TDRD12: variants seen among roughly 807,000 people sequenced by gnomAD.
TDRD12 encodes the protein putative ATP-dependent RNA helicase TDRD12.
A neutral mutation model predicts 133.5 loss-of-function variants in TDRD12; 158 were observed. The ratio of observed to expected loss-of-function variants is 1.18; its 90% confidence interval spans 1.04 to 1.35. The LOEUF (loss-of-function observed/expected upper bound fraction) is 1.35, where lower values mean the gene tolerates loss of function less well. TDRD12 is among the 40% of genes most tolerant of loss of function. The pLI, the probability that TDRD12 is intolerant of heterozygous loss-of-function variation, is 0.00. For synonymous variants in TDRD12, 460 were observed against 477.9 expected (o/e 0.96, Z 0.49); for missense variants, 1,443 against 1,321.3 (o/e 1.09, Z -1.43).
chr19:32,766,705 C>T (rs572469616), intron 8 of TDRD12, among the ~76,000 whole-genome samples: 1 of 152,138 alleles, frequency 6.6e-6, no homozygotes, highest in South Asian at 2.1e-4. Context: ...CCCTCTGCCT[C>T]CTGGGTTCTA....
At chr19:32,724,035 T>G (rs1030877059) in intron 1 of TDRD12, among the ~76,000 whole-genome samples, 1 of 151,814 alleles carries the variant, frequency 6.6e-6, no homozygotes, top group Non-Finnish European at 1.5e-5. Context: ...TTAAAAAAAA[T>G]TTTTTTAGAG....
At chr19:32,787,713 C>G (rs954389507) in intron 11 of TDRD12, among the ~76,000 whole-genome samples, 1 of 152,206 alleles carries the variant, frequency 6.6e-6, no homozygotes, top group African/African-American at 2.4e-5. Context: ...GTGCTAGCAT[C>G]GAGCAAGGAT....
intron 27 of TDRD12, among the ~76,000 whole-genome samples, chr19:32,820,121 C>T (rs116621111): frequency 0.023 from 3,502 of 152,102 alleles, 141 homozygotes; most frequent in African/African-American, 0.081. Flanking sequence ...TGGGGAGGGG[C>T]GGTGGCTCAG....
exon 10 of TDRD12, chr19:32,829,104 T>G (rs574747286): frequency 2.0e-5 from 3 of 152,310 alleles, no homozygotes; most frequent in Non-Finnish European, 4.4e-5. Flanking sequence ...CATATCAGTG[T>G]CTGTTTCTCT....
At chr19:32,755,209 A>G in intron 6 of TDRD12, among the ~76,000 whole-genome samples, 1 of 152,226 alleles carries the variant, frequency 6.6e-6, no homozygotes, top group Admixed American at 6.5e-5. Flanking sequence ...CCTTACAGAT[A>G]TTTATGTACA....
At chr19:32,818,889 C>T (rs545745414) in intron 27 of TDRD12, among the ~76,000 whole-genome samples, 229 of 152,168 alleles carry the variant, frequency 1.5e-3, no homozygotes, top group African/African-American at 5.2e-3. Flanking sequence ...GCCTGCTGGA[C>T]TAGTGGGCTG....
intron 4 of TDRD12, among the ~76,000 whole-genome samples, chr19:32,747,069 TGA>T (rs1969672653): frequency 7.0e-6 from 1 of 143,358 alleles, no homozygotes; most frequent in Non-Finnish European, 1.5e-5. Context: ...TCTGTGTGTG[TGA>T]GAGAGGGAGA....
chr19:32,780,664 AT>A (rs149651220), intron 11 of TDRD12, among the ~76,000 whole-genome samples: 1,538 of 152,160 alleles, frequency 0.01, 26 homozygotes, highest in African/African-American at 0.036. Flanking sequence ...ATGAGTGTTC[AT>A]TGTCCCTGGG....
chr19:32,800,896 A>C (rs895554222), intron 18 of TDRD12, 124 bp downstream of exon 18: 2 of 1,027,808 alleles, frequency 1.9e-6, no homozygotes, highest in Non-Finnish European at 2.7e-6. Flanking sequence ...GTTTAACATC[A>C]ATCAGAAGAG....
intron 21 of TDRD12, among the ~76,000 whole-genome samples, chr19:32,805,952 G>C (rs538558090): frequency 1.3e-5 from 2 of 151,998 alleles, no homozygotes; most frequent in South Asian, 4.2e-4. Context: ...GGCTCATTTC[G>C]AACTCCTGAC....
chr19:32,733,893 TAA>T (rs1255102748), intron 2 of TDRD12, among the ~76,000 whole-genome samples: 1 of 147,722 alleles, frequency 6.8e-6, no homozygotes, highest in Non-Finnish European at 1.5e-5. Flanking sequence ...TTTAATTAAT[TAA>T]TTTTTTTTTT....
intron 2 of TDRD12, among the ~76,000 whole-genome samples, chr19:32,732,862 A>G (rs929388816): frequency 7.2e-5 from 11 of 152,324 alleles, no homozygotes; most frequent in Non-Finnish European, 1.3e-4. Flanking sequence ...AAACCAGGTC[A>G]ATTGTTTTTA....
intron 4 of TDRD12, among the ~76,000 whole-genome samples, chr19:32,746,258 G>A (rs1275030638): frequency 1.3e-5 from 2 of 151,342 alleles, no homozygotes; most frequent in Non-Finnish European, 3.0e-5. Context: ...TTCTGTGTGT[G>A]TGAGAGAGAG....
At chr19:32,788,503 G>T (rs1269155640) in intron 11 of TDRD12, among the ~76,000 whole-genome samples, 1 of 152,040 alleles carries the variant, frequency 6.6e-6, no homozygotes, top group East Asian at 1.9e-4. Flanking sequence ...ATTTGCAAGG[G>T]TTTTCCTTTT....
intron 6 of TDRD12, among the ~76,000 whole-genome samples, chr19:32,750,938 T>C (rs1326663660): frequency 2.6e-5 from 4 of 152,230 alleles, no homozygotes; most frequent in African/African-American, 4.8e-5. Context: ...ACTAGTGATG[T>C]GAATGGTTTT....
chr19:32,808,935 ATTATT>A (rs1161021068), intron 22 of TDRD12, among the ~76,000 whole-genome samples: 1 of 151,652 alleles, frequency 6.6e-6, no homozygotes, highest in African/African-American at 2.4e-5. Flanking sequence ...TCTCTTTTTA[ATTATT>A]TTATTTTTAT....
In TDRD12 at chr19:32,732,991, T is replaced by C. The variant is rs565108301; in HGVS notation, c.183+1108T>C. The stretch of plus-strand genomic sequence containing the variant: ...AGTTTTGTGAACAGCCTGGGCAACA[T>C]AGTAAGACCCTGTCTCTACAAAAGA... On this transcript the variant is annotated intron_variant, in intron 2 of 27. Coordinates refer to ENST00000444215, the Ensembl canonical transcript of TDRD12. 4.6e-5 allele frequency among the ~76,000 whole-genome samples: 7 copies of C among 152,056 alleles called. No homozygotes were observed. In the South Asian group the frequency reaches 1.5e-3, roughly 32 times the overall value.
chr19:32,729,453 G>A (rs955973677), intron 1 of TDRD12, among the ~76,000 whole-genome samples: 2 of 151,492 alleles, frequency 1.3e-5, no homozygotes, highest in Non-Finnish European at 2.9e-5. Context: ...TCCTGACCTC[G>A]TGATCCGCCC....
intron 7 of TDRD12, 82 bp downstream of exon 7, chr19:32,756,263 T>C: frequency 8.4e-7 from 1 of 1,184,656 alleles, no homozygotes. Flanking sequence ...TGTACAGACT[T>C]TTCCCCACAT....
Sources: gnomAD v4.1 joint callset for allele counts (sites outside exome capture counted in the v4.1 genomes callset) on GRCh38, gnomAD v4.1.1 for gene constraint, MANE v1.5 for transcripts, NCBI Gene and HGNC (gene_info 2026-07-23, HGNC 2026-07-21) for gene names.